The following BMPER variants were observed in gnomAD, a reference collection of about 807,000 sequenced individuals.
BMPER encodes the protein BMP binding endothelial regulator.
Under a neutral mutation model 87.3 loss-of-function variants are expected in BMPER, and 45 were observed. The observed-to-expected ratio is 0.52, with a 90% CI of 0.41 to 0.66. The LOEUF (loss-of-function observed/expected upper bound fraction) is 0.66. Ranked by LOEUF, BMPER falls within the 30% of genes least tolerant of loss-of-function variation. The pLI, the probability that BMPER is intolerant of heterozygous loss-of-function variation, is 0.00. For synonymous variants in BMPER, 326 were observed against 316.2 expected (o/e 1.03, Z -0.33); for missense variants, 784 against 867.5 (o/e 0.90, Z 1.21).
chr7:34,072,798 T>G (rs1788770893), intron 11 of BMPER, among the ~76,000 whole-genome samples: 1 of 152,194 alleles, frequency 6.6e-6, no homozygotes, highest in Admixed American at 6.5e-5. Flanking sequence ...TTTTCCCATG[T>G]TGTTCTGATT....
intron 2 of BMPER, among the ~76,000 whole-genome samples, chr7:33,923,236 A>G (rs966886980): frequency 2.0e-5 from 3 of 152,192 alleles, no homozygotes; most frequent in Admixed American, 6.5e-5. Flanking sequence ...AGGACTCAGT[A>G]TAACAGAGAA....
At chr7:34,149,656 C>T (rs553382987) in intron 14 of BMPER, among the ~76,000 whole-genome samples, 2 of 152,118 alleles carry the variant, frequency 1.3e-5, no homozygotes, top group East Asian at 3.9e-4. Flanking sequence ...GAGAAGGTGT[C>T]TCCAGGAGTC....
At chr7:33,909,815 C>CA (rs1452231714) in intron 2 of BMPER, among the ~76,000 whole-genome samples, 1 of 152,088 alleles carries the variant, frequency 6.6e-6, no homozygotes, top group Non-Finnish European at 1.5e-5. Flanking sequence ...AAAAACCCCA[C>CA]AAAAATCAAC....
chr7:34,082,863 T>C (rs1018570189), intron 12 of BMPER, among the ~76,000 whole-genome samples: 30 of 151,628 alleles, frequency 2.0e-4, no homozygotes, highest in Non-Finnish European at 3.8e-4. Flanking sequence ...GAAAGAGATT[T>C]GTAGTTTGGA....
chr7:34,129,481 T>A (rs560986357), intron 13 of BMPER, among the ~76,000 whole-genome samples: 5 of 149,664 alleles, frequency 3.3e-5, no homozygotes, highest in Non-Finnish European at 5.9e-5. Context: ...GAGGTTGCAG[T>A]GAGCTGAGAT....
At chr7:33,983,593 A>C (rs1468744028) in intron 6 of BMPER, among the ~76,000 whole-genome samples, 1 of 152,192 alleles carries the variant, frequency 6.6e-6, no homozygotes, top group African/African-American at 2.4e-5. Flanking sequence ...ACAAACAAAC[A>C]AACAAAAACC....
At chr7:34,109,141 T>C (rs1789897524) in intron 13 of BMPER, among the ~76,000 whole-genome samples, 1 of 152,172 alleles carries the variant, frequency 6.6e-6, no homozygotes, top group South Asian at 2.1e-4. Context: ...GTCTGAAGGC[T>C]TGAGACCCAG....
At chr7:33,970,761 C>T (rs1785523849) in intron 5 of BMPER, among the ~76,000 whole-genome samples, 1 of 152,162 alleles carries the variant, frequency 6.6e-6, no homozygotes, top group African/African-American at 2.4e-5. Flanking sequence ...AAATCCTGGC[C>T]AGAGCTCGCC....
At chr7:33,912,974 G>GC (rs766314987) in intron 2 of BMPER, among the ~76,000 whole-genome samples, 3 of 152,034 alleles carry the variant, frequency 2.0e-5, no homozygotes, top group Non-Finnish European at 4.4e-5. Context: ...CATTGTGCTG[G>GC]CTGGGGACCT....
chr7:34,051,787 G>T, intron 7 of BMPER, 74 bp from the exon 8 acceptor site: 1 of 1,281,638 alleles, frequency 7.8e-7, no homozygotes, highest in Non-Finnish European at 1.1e-6. Flanking sequence ...ATGGACCTAT[G>T]ATGGAATCAC....
intron 3 of BMPER, among the ~76,000 whole-genome samples, chr7:33,949,423 C>G (rs1257508276): frequency 6.6e-6 from 1 of 152,176 alleles, no homozygotes; most frequent in Non-Finnish European, 1.5e-5. Flanking sequence ...TGCATACTCT[C>G]TCTCTCTGTG....
chr7:33,994,274 T>A (rs1190126883), intron 6 of BMPER, among the ~76,000 whole-genome samples: 2 of 152,172 alleles, frequency 1.3e-5, no homozygotes, highest in African/African-American at 4.8e-5. Flanking sequence ...TCAGCGAGAC[T>A]CCGTGGGCGT....
At chr7:34,135,608 C>A (rs931985411) in intron 13 of BMPER, among the ~76,000 whole-genome samples, 1 of 152,194 alleles carries the variant, frequency 6.6e-6, no homozygotes, top group African/African-American at 2.4e-5. Context: ...AGGTTGACCA[C>A]ATGACTATCA....
In BMPER at chr7:34,061,386, G is replaced by A. The variant is rs114483606; in HGVS notation, c.1033-616G>A. Among the ~76,000 whole-genome samples, 1,454 of 152,262 alleles carry A rather than the reference G, an allele frequency of 9.5e-3. 13 individuals are homozygous for A. Among genetic ancestry groups the A allele is most frequent in the African/African-American group, 0.033 (1,359 of 41,538 alleles). ...AGTGTATTTCCAGAAAGGTAATGAA[G>A]CATTACTCAGTGTTTCAAAATTCTC... is the stretch of plus-strand genomic sequence containing the variant. On this transcript the variant is annotated intron_variant, in intron 10 of 14. Coordinates refer to ENST00000649409, the MANE Select transcript of BMPER (RefSeq NM_001365308.1).
intron 11 of BMPER, among the ~76,000 whole-genome samples, chr7:34,075,686 T>C (rs1000872157): frequency 6.6e-6 from 1 of 152,128 alleles, no homozygotes; most frequent in African/African-American, 2.4e-5. Context: ...TCCAGAAGAG[T>C]GTGACTGGAC....
At position 33,909,712 on chromosome 7, in the gene BMPER, C is replaced by T. The variant is rs375104313; in HGVS notation, c.219+2809C>T. On this transcript the variant is annotated intron_variant, in intron 2 of 14. Coordinates refer to ENST00000649409, the MANE Select transcript of BMPER (RefSeq NM_001365308.1). ...AAAAAAAAAAGAAAGAAAAAGCTAA[C>T]GTCAACGTATGCTTAAAAAAGATGT... Among the ~76,000 whole-genome samples, 512 of 146,762 alleles carry T rather than the reference C, an allele frequency of 3.5e-3. 4 individuals are homozygous for T. Among genetic ancestry groups the T allele is most frequent in the African/African-American group, 0.012 (464 of 39,896 alleles).
chr7:34,124,747 A>G (rs1790356044), intron 13 of BMPER, among the ~76,000 whole-genome samples: 1 of 152,158 alleles, frequency 6.6e-6, no homozygotes, highest in Non-Finnish European at 1.5e-5. Context: ...ATTTACAGAC[A>G]TACCTCTGAT....
intron 13 of BMPER, among the ~76,000 whole-genome samples, chr7:34,122,847 T>A (rs1241316544): frequency 6.6e-6 from 1 of 152,238 alleles, no homozygotes; most frequent in Non-Finnish European, 1.5e-5. Flanking sequence ...AACATTTTTT[T>A]AAATCGGTAT....
At chr7:33,911,064 A>T (rs953994786) in intron 2 of BMPER, among the ~76,000 whole-genome samples, 3 of 152,264 alleles carry the variant, frequency 2.0e-5, no homozygotes, top group African/African-American at 7.2e-5. Context: ...CACTCAGTAT[A>T]TGCACAAATA....
Sources: gnomAD v4.1 joint callset for allele counts (sites outside exome capture counted in the v4.1 genomes callset) on GRCh38, gnomAD v4.1.1 for gene constraint, MANE v1.5 for transcripts, NCBI Gene and HGNC (gene_info 2026-07-23, HGNC 2026-07-21) for gene names.